The following RBFOX1 variants were observed in gnomAD, a reference collection of about 807,000 sequenced individuals.
RBFOX1 encodes RNA binding protein fox-1 homolog 1.
In RBFOX1, 8 loss-of-function variants were observed where a neutral mutation model predicts 57.7. The ratio of observed to expected loss-of-function variants is 0.14; its 90% confidence interval spans 0.08 to 0.25. The LOEUF is 0.25. Among genes scored for constraint, RBFOX1 ranks in the 10% least tolerant of loss-of-function variants. The pLI is 1.00. For missense variants in RBFOX1, 611 were observed against 548.5 expected (o/e 1.11, Z -1.14); for synonymous variants, 326 against 222.4 (o/e 1.47, Z -4.15).
At position 7,153,923 on chromosome 16, in the gene RBFOX1, T is replaced by A. The variant is rs558965871; in HGVS notation, c.27+101825T>A. On this transcript the variant is annotated intron_variant, in intron 4 of 15. Transcript: ENST00000550418. ...TCTAGTTAGGCATTAAACCTGGTTT[T>A]AAAAAAAACCCTTTTAAATGACGAG... Among the ~76,000 whole-genome samples the A allele has an allele frequency of 2.0e-3, 306 of 151,910 alleles. 1 individual carries two copies. Among genetic ancestry groups the A allele is most frequent in the African/African-American group, 6.5e-3 (270 of 41,470 alleles).
At chr16:7,569,345 C>T (rs1376412927) in intron 5 of RBFOX1, among the ~76,000 whole-genome samples, 1 of 152,168 alleles carries the variant, frequency 6.6e-6, no homozygotes, top group African/African-American at 2.4e-5. Context: ...GATCTTTCCC[C>T]ATGCCTTTCC....
At chr16:6,883,884 TA>T in intron 3 of RBFOX1, among the ~76,000 whole-genome samples, 1 of 152,194 alleles carries the variant, frequency 6.6e-6, no homozygotes, top group African/African-American at 2.4e-5. Flanking sequence ...ATGTTTTTAA[TA>T]AAAGCTGAGA....
At chr16:6,882,632 C>A (rs926814018) in intron 3 of RBFOX1, among the ~76,000 whole-genome samples, 1 of 152,084 alleles carries the variant, frequency 6.6e-6, no homozygotes, top group Non-Finnish European at 1.5e-5. Flanking sequence ...ATCATGTTTG[C>A]AGAGTCCTCA....
chr16:6,280,289 C>T lies in RBFOX1; in HGVS notation c.-126-36706C>T, dbSNP rs943092544. Among the ~76,000 whole-genome samples the T allele has an allele frequency of 3.9e-5, 6 of 152,264 alleles. No individual in the cohort carries two copies. The South Asian group carries it at 6.2e-4, about 16-fold the overall frequency. ...AAGGACAGCCGCCTCCCTCCGTCCT[C>T]GCTTCTCACAACTTCTGGGGCTGCC... On this transcript the variant is annotated intron_variant, in intron 1 of 15. Coordinates refer to ENST00000550418, the MANE Select transcript of RBFOX1 (RefSeq NM_018723.4).
chr16:5,249,960 C>CAGTAAGGAGG (rs2062405457), intron 1 of RBFOX1, among the ~76,000 whole-genome samples: 1 of 142,384 alleles, frequency 7.0e-6, no homozygotes, highest in African/African-American at 2.7e-5. Flanking sequence ...CAGTGAGGAG[C>CAGTAAGGAGG]AGGTTGCAGT....
At chr16:5,242,179 A>T (rs567998540) in intron 1 of RBFOX1, among the ~76,000 whole-genome samples, 1 of 152,162 alleles carries the variant, frequency 6.6e-6, no homozygotes, top group Non-Finnish European at 1.5e-5. Context: ...TCTCCATTAA[A>T]ATGCTTTCTG....
At chr16:7,475,037 A>G (rs1002920297) in intron 4 of RBFOX1, among the ~76,000 whole-genome samples, 1 of 152,318 alleles carries the variant, frequency 6.6e-6, no homozygotes, top group Admixed American at 6.5e-5. Flanking sequence ...TTGATAACAA[A>G]GACAGGTTGT....
chr16:7,495,173 A>G (rs1319940993), intron 4 of RBFOX1, among the ~76,000 whole-genome samples: 1 of 152,174 alleles, frequency 6.6e-6, no homozygotes, highest in South Asian at 2.1e-4. Context: ...GCTGCATAGT[A>G]TTCCATGGTG....
At chr16:5,608,154 A>G (rs9932183) in intron 3 of RBFOX1, among the ~76,000 whole-genome samples, 28,561 of 152,194 alleles carry the variant, frequency 0.19, 3,025 homozygotes, top group South Asian at 0.24. Context: ...TCCCACTTGG[A>G]AGCTCATTGT....
intron 3 of RBFOX1, among the ~76,000 whole-genome samples, chr16:6,985,861 TC>T (rs1191621670): frequency 9.4e-4 from 130 of 137,584 alleles, no homozygotes; most frequent in Non-Finnish European, 1.3e-3. Flanking sequence ...AATTTTTTTT[TC>T]TTTTTTCTTT....
intron 3 of RBFOX1, among the ~76,000 whole-genome samples, chr16:6,931,891 A>C (rs2077187574): frequency 6.6e-6 from 1 of 152,174 alleles, no homozygotes; most frequent in African/African-American, 2.4e-5. Context: ...ATCACATGGC[A>C]AGAGCGCATG....
At chr16:7,382,682 C>G (rs2148019039) in intron 4 of RBFOX1, among the ~76,000 whole-genome samples, 1 of 152,310 alleles carries the variant, frequency 6.6e-6, no homozygotes, top group East Asian at 1.9e-4. Context: ...GATTCATTTT[C>G]TAACAGAGGA....
chr16:7,322,357 G>C (rs1251542961), intron 4 of RBFOX1, among the ~76,000 whole-genome samples: 1 of 152,226 alleles, frequency 6.6e-6, no homozygotes, highest in East Asian at 1.9e-4. Flanking sequence ...ATGCTGACTG[G>C]CAGGTTCATA....
chr16:5,993,744 C>T lies in RBFOX1; in HGVS notation c.351+126409C>T, dbSNP rs559160723. 5.3e-5 allele frequency among the ~76,000 whole-genome samples: 8 copies of T among 152,106 alleles called. No homozygotes were observed. In the South Asian group the frequency reaches 1.7e-3, roughly 32 times the overall value. ...TTGTATTTTGGGTGGGATGATGTAT[C>T]GCTGCATTTTCCTGAGCAGTGCCGT... On this transcript the variant is annotated intron_variant, in intron 4 of 19. Transcript: ENST00000641259.
chr16:6,842,089 G>C (rs1403935470), intron 3 of RBFOX1, among the ~76,000 whole-genome samples: 1 of 151,842 alleles, frequency 6.6e-6, no homozygotes, highest in Admixed American at 6.6e-5. Context: ...CTTGCAGTGA[G>C]CGGAGATCGC....
At chr16:5,301,787 C>T (rs954210355) in intron 1 of RBFOX1, among the ~76,000 whole-genome samples, 1 of 152,076 alleles carries the variant, frequency 6.6e-6, no homozygotes, top group Admixed American at 6.5e-5. Context: ...CCTGTAGAAA[C>T]TATGAGATAA....
intron 4 of RBFOX1, among the ~76,000 whole-genome samples, chr16:5,955,379 AATAAAATAAAATAAAATAAAATAAAAT>A (rs1468380382): frequency 1.3e-5 from 1 of 75,108 alleles, no homozygotes; most frequent in African/African-American, 4.7e-5. Flanking sequence ...AATAAAATAA[AATAAAATAAAATAAAATAAAATAAAAT>A]AAAATAAAAG....
chr16:6,331,203 C>T (rs562872631), intron 2 of RBFOX1, among the ~76,000 whole-genome samples: 31 of 152,272 alleles, frequency 2.0e-4, no homozygotes, highest in African/African-American at 6.5e-4. Context: ...GTAATCCCAG[C>T]ACTTCGGGAG....
chr16:6,976,211 T>C (rs4786134), intron 3 of RBFOX1, among the ~76,000 whole-genome samples: 81,338 of 151,944 alleles, frequency 0.54, 22,839 homozygotes, highest in Non-Finnish European at 0.63. Flanking sequence ...AGTTCTTATA[T>C]GAGCATTCTA....
Sources: gnomAD v4.1 joint callset for allele counts (sites outside exome capture counted in the v4.1 genomes callset) on GRCh38, gnomAD v4.1.1 for gene constraint, MANE v1.5 for transcripts, NCBI Gene and HGNC (gene_info 2026-07-23, HGNC 2026-07-21) for gene names.